The following TMTC2 variants were observed in gnomAD, a reference collection of about 807,000 sequenced individuals.
The protein encoded by TMTC2 is protein O-mannosyl-transferase TMTC2.
Under a neutral mutation model 82.4 loss-of-function variants are expected in TMTC2, and 43 were observed. The observed-to-expected ratio is 0.52, with a 90% CI of 0.41 to 0.67. The LOEUF is 0.67. Ranked by LOEUF, TMTC2 falls within the 30% of genes least tolerant of loss-of-function variation. The pLI is 0.00. For synonymous variants in TMTC2, 408 were observed against 381.9 expected (o/e 1.07, Z -0.80); for missense variants, 919 against 1,012.4 (o/e 0.91, Z 1.25).
At chr12:82,794,790 G>T (rs753224522) in intron 1 of TMTC2, among the ~76,000 whole-genome samples, 1 of 152,048 alleles carries the variant, frequency 6.6e-6, no homozygotes, top group Non-Finnish European at 1.5e-5. Flanking sequence ...GATGTAAGTC[G>T]CAGTTTTGCC....
At position 82,770,539 on chromosome 12, in the gene TMTC2, G is replaced by A. The variant is rs547403360; in HGVS notation, c.83+82870G>A. ...GACTCAACCACTGACCTTACCCTGA[G>A]TCATCCCTCAGGTAATTTTATCTTT... On this transcript the variant is annotated intron_variant, in intron 1 of 11. Transcript: ENST00000321196. 2.0e-4 allele frequency among the ~76,000 whole-genome samples: 31 copies of A among 152,086 alleles called. 1 individual carries two copies. The South Asian group carries it at 6.4e-3, about 32-fold the overall frequency.
intron 1 of TMTC2, among the ~76,000 whole-genome samples, chr12:82,742,359 T>TAA (rs11454243): frequency 0.11 from 15,972 of 148,348 alleles, 1,037 homozygotes; most frequent in Non-Finnish European, 0.15. Context: ...TGAAGAAGTT[T>TAA]AAAAAAAAAA....
chr12:83,099,921 ATT>A (rs36119477), intron 11 of TMTC2, among the ~76,000 whole-genome samples: 1 of 149,034 alleles, frequency 6.7e-6, no homozygotes. Flanking sequence ...AAGTTGTATA[ATT>A]TTTTTTTTTT....
intron 9 of TMTC2, among the ~76,000 whole-genome samples, chr12:83,038,239 T>G (rs1881747489): frequency 6.6e-6 from 1 of 151,820 alleles, no homozygotes; most frequent in African/African-American, 2.4e-5. Flanking sequence ...TATACGTATG[T>G]AACTAACCTG....
chr12:82,966,838 A>G, intron 6 of TMTC2, 81 bp from the exon 7 acceptor site: 1 of 1,042,386 alleles, frequency 9.6e-7, no homozygotes, highest in Non-Finnish European at 1.4e-6. Context: ...TTAACTTTGG[A>G]AGAAAGTTAT....
At chr12:82,947,269 C>T (rs1877058398) in intron 4 of TMTC2, among the ~76,000 whole-genome samples, 1 of 151,876 alleles carries the variant, frequency 6.6e-6, no homozygotes, top group African/African-American at 2.4e-5. Flanking sequence ...AGGTGCAAAC[C>T]TGGGCTGCAA....
chr12:82,992,693 A>T (rs905209067), intron 8 of TMTC2, among the ~76,000 whole-genome samples: 1 of 152,074 alleles, frequency 6.6e-6, no homozygotes, highest in African/African-American at 2.4e-5. Flanking sequence ...ATTTTTAAGG[A>T]TCTCCCTTCC....
intron 8 of TMTC2, among the ~76,000 whole-genome samples, chr12:83,008,697 T>C (rs1347409240): frequency 6.6e-6 from 1 of 152,246 alleles, no homozygotes; most frequent in East Asian, 1.9e-4. Context: ...TCTCATGTTT[T>C]TTTGATGAAT....
chr12:82,780,565 A>G (rs181146268), intron 1 of TMTC2, among the ~76,000 whole-genome samples: 14 of 152,268 alleles, frequency 9.2e-5, no homozygotes, highest in African/African-American at 3.1e-4. Flanking sequence ...GAAGTTCACA[A>G]AGTTAGTTTG....
intron 1 of TMTC2, among the ~76,000 whole-genome samples, 180 bp downstream of exon 1, chr12:82,687,849 CG>C (rs1300058381): frequency 6.6e-6 from 1 of 152,084 alleles, no homozygotes; most frequent in Non-Finnish European, 1.5e-5. Flanking sequence ...GCGCGCTGGG[CG>C]GGCCGAGGGA....
In TMTC2 at chr12:83,047,496, C is replaced by T. The variant is rs563561261; in HGVS notation, c.2153-3408C>T. On this transcript the variant is annotated intron_variant, in intron 9 of 11. Coordinates refer to ENST00000321196, the MANE Select transcript of TMTC2 (RefSeq NM_152588.3). The stretch of plus-strand genomic sequence containing the variant: ...TATTCAAATTCAGTTTAAAAAATAC[C>T]AGCCAGATGATTCACATTCCATAAT... 8.1e-4 allele frequency among the ~76,000 whole-genome samples: 123 copies of T among 152,208 alleles called. 1 individual carries two copies. The highest frequency in any genetic ancestry group is 2.8e-3 in the African/African-American group (116 of 41,528).
At chr12:82,811,373 T>C (rs10506882) in intron 1 of TMTC2, among the ~76,000 whole-genome samples, 37,905 of 152,016 alleles carry the variant, frequency 0.25, 6,248 homozygotes, top group African/African-American at 0.46. Flanking sequence ...GATCTGCCCT[T>C]GTAGAAATTT....
chr12:82,871,362 T>C (rs1177081794), intron 2 of TMTC2, among the ~76,000 whole-genome samples: 1 of 133,358 alleles, frequency 7.5e-6, no homozygotes, highest in Non-Finnish European at 1.5e-5. Flanking sequence ...AAAGAAACAA[T>C]GATTTTTTTT....
chr12:83,005,521 C>A (rs937962252), intron 8 of TMTC2, among the ~76,000 whole-genome samples: 2 of 152,134 alleles, frequency 1.3e-5, no homozygotes, highest in East Asian at 1.9e-4. Context: ...GCCCTTGAAC[C>A]CCCGCTTCAC....
chr12:82,988,451 T>G (rs1879262878), intron 8 of TMTC2, among the ~76,000 whole-genome samples: 2 of 152,060 alleles, frequency 1.3e-5, no homozygotes, highest in Non-Finnish European at 2.9e-5. Context: ...TCTCTCCCCT[T>G]TGCCCACAAA....
intron 11 of TMTC2, among the ~76,000 whole-genome samples, chr12:83,125,097 C>A (rs1885063730): frequency 6.6e-6 from 1 of 152,200 alleles, no homozygotes; most frequent in Non-Finnish European, 1.5e-5. Flanking sequence ...TAGCTAGGAG[C>A]TGCTGTCCTC....
intron 11 of TMTC2, among the ~76,000 whole-genome samples, chr12:83,107,335 C>G (rs1884441223): frequency 6.6e-6 from 1 of 152,186 alleles, no homozygotes; most frequent in African/African-American, 2.4e-5. Flanking sequence ...TCTTGCAGTT[C>G]TGGAAGTTGA....
At chr12:82,718,691 A>T (rs1298727602) in intron 1 of TMTC2, among the ~76,000 whole-genome samples, 1 of 152,206 alleles carries the variant, frequency 6.6e-6, no homozygotes, top group Non-Finnish European at 1.5e-5. Flanking sequence ...GCAAAAATTC[A>T]TATGGTTCAA....
intron 1 of TMTC2, among the ~76,000 whole-genome samples, chr12:82,768,033 A>C (rs867105511): frequency 9.0e-6 from 1 of 111,282 alleles, no homozygotes; most frequent in African/African-American, 4.5e-5. Context: ...TTACTTACTC[A>C]TCTTTACCTA....
Sources: gnomAD v4.1 joint callset for allele counts (sites outside exome capture counted in the v4.1 genomes callset) on GRCh38, gnomAD v4.1.1 for gene constraint, MANE v1.5 for transcripts, NCBI Gene and HGNC (gene_info 2026-07-23, HGNC 2026-07-21) for gene names.